The following EDA variants were observed in gnomAD, a reference collection of about 807,000 sequenced individuals.
EDA encodes ectodysplasin A.
In EDA, 2 loss-of-function variants were observed where a neutral mutation model predicts 23.6. That is an observed-to-expected ratio of 0.08 (90% CI 0.03 to 0.27). EDA has a LOEUF of 0.27. Among genes scored for constraint, EDA ranks in the 10% least tolerant of loss-of-function variants. The pLI is 1.00. For missense variants in EDA, 229 were observed against 324.2 expected, an observed-to-expected ratio of 0.71 and a Z score of 2.26; for synonymous variants, 131 against 132.0, an observed-to-expected ratio of 0.99 and a Z score of 0.05.
At chrX:69,616,794 A>C in intron 1 of EDA, 90 bp downstream of exon 1, 1 of 1,125,113 alleles carries the variant, frequency 8.9e-7, no homozygotes. Flanking sequence ...GCACTCAGCA[A>C]CCTCGAGCCA....
intron 1 of EDA, among the ~76,000 whole-genome samples, chrX:69,926,381 A>T (rs1250704650): frequency 3.6e-5 from 4 of 111,596 alleles, no homozygotes; most frequent in Non-Finnish European, 7.5e-5. Flanking sequence ...GGTTTCAAAG[A>T]ACTTCTTGAT....
chrX:70,032,033 C>T (rs1484242956), intron 6 of EDA, among the ~76,000 whole-genome samples: 9 of 110,803 alleles, frequency 8.1e-5, no homozygotes, highest in Admixed American at 9.6e-5. Context: ...CCGAGGCTGG[C>T]GGATCACATG....
intron 1 of EDA, chrX:69,670,185 T>TTTTTG (rs1555979891): frequency 4.0e-6 from 1 of 253,130 alleles, no homozygotes; most frequent in South Asian, 1.4e-4. Context: ...GGCTGACTGT[T>TTTTTG]TTTTTTTTTT....
intron 1 of EDA, among the ~76,000 whole-genome samples, chrX:69,707,476 G>A (rs758700659): frequency 8.9e-5 from 10 of 111,767 alleles, no homozygotes; most frequent in Non-Finnish European, 1.7e-4. Context: ...GGCTGTTTAC[G>A]ATAAAGTCAG....
intron 1 of EDA, among the ~76,000 whole-genome samples, chrX:69,750,317 C>A (rs1299512830): frequency 9.2e-6 from 1 of 108,274 alleles, no homozygotes; most frequent in Non-Finnish European, 1.9e-5. Context: ...ATGATGGTTT[C>A]CAGCTTCATC....
At chrX:70,006,576 CT>C (rs2019804787) in intron 2 of EDA, among the ~76,000 whole-genome samples, 1 of 111,260 alleles carries the variant, frequency 9.0e-6, no homozygotes, top group Admixed American at 9.6e-5. Flanking sequence ...TCATTTTTTT[CT>C]GATTTTTGAG....
chrX:69,625,625 AT>A (rs1932354388), intron 1 of EDA, among the ~76,000 whole-genome samples: 1 of 111,240 alleles, frequency 9.0e-6, no homozygotes, highest in Admixed American at 9.6e-5. Context: ...GGATATCCAC[AT>A]GCAAAAAAGA....
At chrX:69,684,919 G>A (rs750877510) in intron 1 of EDA, among the ~76,000 whole-genome samples, 1 of 112,329 alleles carries the variant, frequency 8.9e-6, no homozygotes, top group Non-Finnish European at 1.9e-5. Flanking sequence ...GAGAATCTTA[G>A]CTTGAATGAA....
chrX:70,017,772 TCTTA>T (rs1198879639), intron 2 of EDA, among the ~76,000 whole-genome samples: 2 of 111,759 alleles, frequency 1.8e-5, no homozygotes, highest in Non-Finnish European at 3.8e-5. Context: ...CTGGAAGCAT[TCTTA>T]TTGAGAACCA....
chrX:69,833,815 A>C (rs974092278), intron 1 of EDA, among the ~76,000 whole-genome samples: 1 of 110,672 alleles, frequency 9.0e-6, no homozygotes, highest in Non-Finnish European at 1.9e-5. Context: ...TTCTTTATAT[A>C]TATATACTTT....
chrX:70,030,271 A>C (rs776103525), intron 5 of EDA, among the ~76,000 whole-genome samples, 198 bp from the exon 6 acceptor site: 16 of 112,452 alleles, frequency 1.4e-4, no homozygotes, highest in Non-Finnish European at 2.4e-4. Flanking sequence ...TTGAGGTCAC[A>C]TAGCTAGGAA....
intron 1 of EDA, among the ~76,000 whole-genome samples, chrX:69,810,756 CAAAA>C (rs55802103): frequency 1.8e-4 from 15 of 85,330 alleles, no homozygotes; most frequent in African/African-American, 6.4e-4. Context: ...GACTCCATCT[CAAAA>C]AAAAAAAAAA....
At chrX:69,849,467 C>T (rs1397756447) in intron 1 of EDA, among the ~76,000 whole-genome samples, 1 of 111,899 alleles carries the variant, frequency 8.9e-6, no homozygotes, top group Non-Finnish European at 1.9e-5. Flanking sequence ...TTTATTCATG[C>T]CATCTAAGTT....
chrX:69,834,799 T>G (rs1415092489), intron 1 of EDA, among the ~76,000 whole-genome samples: 1 of 111,772 alleles, frequency 8.9e-6, no homozygotes, highest in East Asian at 2.8e-4. Flanking sequence ...ATGCAGTTTC[T>G]TCCTAGCATT....
In EDA at chrX:69,822,683, T is replaced by A. The variant is rs143547275; in HGVS notation, c.397-134344T>A. Among the ~76,000 whole-genome samples, 827 of 111,703 alleles carry A rather than the reference T, an allele frequency of 7.4e-3. 7 individuals carry two copies. The highest frequency in any genetic ancestry group is 0.026 in the African/African-American group (792 of 30,784). The stretch of plus-strand genomic sequence containing the variant: ...GTTCTAACATCCTGTTGTTATGTTA[T>A]TCTATTTTTTTAATTTATTTATTAT... On this transcript the variant is annotated intron_variant, in intron 1 of 7. Coordinates refer to ENST00000374552, the MANE Select transcript of EDA (RefSeq NM_001399.5).
intron 1 of EDA, among the ~76,000 whole-genome samples, chrX:69,731,270 G>A (rs1023121657): frequency 8.1e-5 from 9 of 110,854 alleles, no homozygotes; most frequent in African/African-American, 2.3e-4. Flanking sequence ...GTGGTTAAAG[G>A]CTTATCAATT....
At chrX:69,865,279 T>A (rs752737572) in intron 1 of EDA, among the ~76,000 whole-genome samples, 2 of 110,428 alleles carry the variant, frequency 1.8e-5, no homozygotes, top group East Asian at 5.7e-4. Context: ...GGTATATATA[T>A]AAAGTTTATA....
chrX:69,961,762 G>GT (rs773501839), intron 2 of EDA, among the ~76,000 whole-genome samples: 1 of 112,219 alleles, frequency 8.9e-6, no homozygotes, highest in East Asian at 2.8e-4. Flanking sequence ...ATTTCAGATC[G>GT]TTTAAGTTTA....
At chrX:69,992,006 A>G (rs2019594816) in intron 2 of EDA, among the ~76,000 whole-genome samples, 1 of 112,215 alleles carries the variant, frequency 8.9e-6, no homozygotes, top group African/African-American at 3.2e-5. Flanking sequence ...AGTTACTTTA[A>G]GAAGATTGGG....
Sources: gnomAD v4.1 joint callset for allele counts (sites outside exome capture counted in the v4.1 genomes callset) on GRCh38, gnomAD v4.1.1 for gene constraint, MANE v1.5 for transcripts, NCBI Gene and HGNC (gene_info 2026-07-23, HGNC 2026-07-21) for gene names.